INTS4: variants seen among roughly 807,000 people sequenced by gnomAD.
The protein encoded by INTS4 is integrator complex subunit 4, also known as MSTP093.
A neutral mutation model predicts 119.5 loss-of-function variants in INTS4; 70 were observed. The observed-to-expected ratio is 0.59, with a 90% CI of 0.48 to 0.71. The LOEUF is 0.71. INTS4 is among the 30% of genes least tolerant of loss of function. INTS4 has a pLI of 0.00. For synonymous variants in INTS4, 316 were observed against 419.6 expected, an observed-to-expected ratio of 0.75 and a Z score of 3.02; for missense variants, 867 against 1,173.2, an observed-to-expected ratio of 0.74 and a Z score of 3.81.
intron 21 of INTS4, among the ~76,000 whole-genome samples, chr11:77,889,898 T>C (rs1308538874): frequency 3.9e-5 from 6 of 152,192 alleles, no homozygotes; most frequent in African/African-American, 7.2e-5. Context: ...TTAAGTAACC[T>C]GCCTACAATC....
chr11:77,945,660 A>C (rs1954031245), intron 8 of INTS4, among the ~76,000 whole-genome samples: 1 of 152,106 alleles, frequency 6.6e-6, no homozygotes, highest in African/African-American at 2.4e-5. Context: ...TGTTCCATAC[A>C]ACCATCTGGG....
rs375246801 is a variant in INTS4 at position 77,881,098 on chromosome 11, CAAG to C, written c.2714-1974_2714-1972del. Among the ~76,000 whole-genome samples the C allele has an allele frequency of 6.8e-3, 1,036 of 152,178 alleles. 9 individuals are homozygous for C. The highest frequency in any genetic ancestry group is 0.023 in the African/African-American group (946 of 41,526). On this transcript the variant is annotated intron_variant, in intron 22 of 22. Coordinates refer to ENST00000534064, the MANE Select transcript of INTS4 (RefSeq NM_033547.4). ...GGAGTAAAGCGGAGAAGAGAGAAAA[CAAG>C]AAGGAGGGGAACTTGGGAGAAGGAG...
chr11:77,984,181 T>G (rs374179135), intron 2 of INTS4, among the ~76,000 whole-genome samples: 1 of 151,984 alleles, frequency 6.6e-6, no homozygotes, highest in African/African-American at 2.4e-5. Context: ...CTTAGAGCAG[T>G]TGAAATCACG....
intron 2 of INTS4, among the ~76,000 whole-genome samples, 163 bp from the exon 3 acceptor site, chr11:77,981,739 TTTTATTTATTTA>T (rs56771826): frequency 2.4e-4 from 36 of 149,964 alleles, no homozygotes; most frequent in East Asian, 5.9e-4. Context: ...GACAGCTTTC[TTTTATTTATTTA>T]TTTATTTATT....
rs1953271864 is a variant in INTS4 at position 77,918,927 on chromosome 11, G to A, written c.1816C>T (p.Gln606Ter). The A allele has an allele frequency of 6.2e-7, 1 of 1,613,948 alleles. No homozygotes were observed. Among genetic ancestry groups the A allele is most frequent in the Non-Finnish European group, 8.5e-7 (1 of 1,179,858 alleles). The change falls in exon 15 of 23, where the codon CAA becomes TAA. Residue 606 changes from glutamine (Q) to a stop codon, truncating the protein, a stop_gained. Transcript: ENST00000534064. LOFTEE classifies it high-confidence loss of function. ...SSAVSPSIIP[Q>*]EDPSQQFLQQ... Reference sequence around the variant, plus strand: ...AGGAACTGCTGGGAAGGATCCTCTTGAGGTATGATGCTGGGAGAAACAGCT... The same window carrying A: ...AGGAACTGCTGGGAAGGATCCTCTTAAGGTATGATGCTGGGAGAAACAGCT...
At chr11:77,966,003 T>TA (rs778362974) in intron 4 of INTS4, among the ~76,000 whole-genome samples, 8 of 152,208 alleles carry the variant, frequency 5.3e-5, no homozygotes, top group Non-Finnish European at 1.0e-4. Context: ...ATCTTTTTTA[T>TA]AAAAACCATT....
chr11:77,883,534 G>C (rs1295479038), intron 22 of INTS4, among the ~76,000 whole-genome samples: 1 of 152,152 alleles, frequency 6.6e-6, no homozygotes, highest in African/African-American at 2.4e-5. Flanking sequence ...GTTAGGATAA[G>C]AATAATCTCC....
chr11:77,945,235 C>T (rs574812751), intron 8 of INTS4, among the ~76,000 whole-genome samples: 1 of 152,286 alleles, frequency 6.6e-6, no homozygotes, highest in South Asian at 2.1e-4. Context: ...CTGCCACAGG[C>T]ACCAGCAATT....
chr11:77,938,755 C>G lies in INTS4; in HGVS notation c.1061G>C (p.Trp354Ser). The G allele has an allele frequency of 1.2e-6, 2 of 1,612,058 alleles. No homozygotes were observed. Among genetic ancestry groups the G allele is most frequent in the Non-Finnish European group, 1.7e-6 (2 of 1,179,864 alleles). The stretch of plus-strand genomic sequence containing the variant: ...TTCTTCCTTGGGAGCATCATCTCCC[C>G]ACTTTCTGCCACTGGAAAACTCCCC... ...SSGEFSSGRK[W>S]GDDAPKEEVD... is the part of the protein sequence containing the mutation. Residue 354 changes from tryptophan (W) to serine (S), a missense_variant, in exon 10 of 23, where the codon TGG becomes TCG. Around this residue, in one of 5 missense-constraint regions of INTS4, gnomAD observed 208 missense variants for 306.6 expected, o/e 0.68. Transcript: ENST00000534064.
intron 15 of INTS4, among the ~76,000 whole-genome samples, chr11:77,909,351 C>G (rs1466343028): frequency 1.3e-5 from 2 of 152,140 alleles, no homozygotes; most frequent in Admixed American, 1.3e-4. Context: ...TATAAACAAC[C>G]GAAATTTATT....
chr11:77,984,898 G>T (rs905852746), intron 2 of INTS4, among the ~76,000 whole-genome samples: 9 of 78,188 alleles, frequency 1.2e-4, no homozygotes, highest in South Asian at 5.4e-4. Context: ...GGGGGGAAAA[G>T]AAAATAAATG....
chr11:77,960,515 TA>T (rs1954442118), intron 5 of INTS4, 124 bp from the exon 6 acceptor site: 1 of 614,878 alleles, frequency 1.6e-6, no homozygotes, highest in African/African-American at 1.9e-5. Context: ...TAGCCAAAAT[TA>T]GTGCTATATA....
intron 11 of INTS4, 58 bp downstream of exon 11, chr11:77,928,277 AATACCTG>A: frequency 6.4e-7 from 1 of 1,556,854 alleles, no homozygotes; most frequent in African/African-American, 1.4e-5. Flanking sequence ...TGCCTAGCAC[AATACCTG>A]ATTTTAACAG....
At chr11:77,875,999 TCCACTGAAAG>T (rs1458016831), downstream of INTS4, among the ~76,000 whole-genome samples, 3 of 152,114 alleles carry the variant, frequency 2.0e-5, no homozygotes, top group Non-Finnish European at 2.9e-5. Context: ...TGAGCAGTGA[TCCACTGAAAG>T]GGACTGAGCA....
intron 18 of INTS4, among the ~76,000 whole-genome samples, chr11:77,901,179 T>C (rs917291760): frequency 3.3e-5 from 5 of 152,330 alleles, no homozygotes; most frequent in African/African-American, 1.2e-4. Context: ...TTGTGCTATA[T>C]GTAATGGAGA....
rs1258847878 is a variant in INTS4, at chr11:77,938,724, A to T, written c.1092T>A (p.Asp364Glu). 1 of 1,612,022 alleles carries T rather than the reference A, an allele frequency of 6.2e-7. No individual in the cohort carries two copies. The highest frequency in any genetic ancestry group is 1.1e-5 in the South Asian group (1 of 90,992). The change falls in exon 10 of 23, where the codon GAT becomes GAA. Residue 364 changes from aspartate (D) to glutamate (E), a missense_variant. By Grantham distance (45) the Asp-to-Glu change is conservative. This residue lies in a region of INTS4 where 208 missense variants were observed against 306.6 expected (regional missense o/e 0.68). Coordinates refer to ENST00000534064, the MANE Select transcript of INTS4 (RefSeq NM_033547.4). ...ACTCAATCAAGTTCACAGCCCCGGTATCTACTTCTTCCTTGGGAGCATCAT... is the reference window on the plus strand; with the variant it reads ...ACTCAATCAAGTTCACAGCCCCGGTTTCTACTTCTTCCTTGGGAGCATCAT... ...WGDDAPKEEV[D>E]TGAVNLIESG... is the part of the protein sequence containing the mutation.
intron 1 of INTS4, among the ~76,000 whole-genome samples, chr11:77,994,022 C>T (rs1346808362): frequency 6.6e-6 from 1 of 152,162 alleles, no homozygotes; most frequent in Admixed American, 6.5e-5. Context: ...AAGGTACTGC[C>T]CTCCTTCCTA....
intron 15 of INTS4, among the ~76,000 whole-genome samples, chr11:77,911,778 T>G (rs1953093213): frequency 6.6e-6 from 1 of 152,222 alleles, no homozygotes; most frequent in Non-Finnish European, 1.5e-5. Flanking sequence ...ACATTCTATG[T>G]GCACTGTACT....
intron 4 of INTS4, among the ~76,000 whole-genome samples, chr11:77,969,812 ATC>A (rs999861926): frequency 2.4e-4 from 36 of 151,148 alleles, no homozygotes; most frequent in Non-Finnish European, 4.4e-4. Flanking sequence ...TCAACCTCCT[ATC>A]TCTCTGTTCG....
Sources: gnomAD v4.1 joint callset for allele counts (sites outside exome capture counted in the v4.1 genomes callset) on GRCh38, gnomAD v4.1.1 for gene constraint, gnomAD v4.1.1 regional missense constraint, MANE v1.5 for transcripts, NCBI Gene and HGNC (gene_info 2026-07-23, HGNC 2026-07-21) for gene names.